Variants in EPHA3 observed in about 807,000 individuals in gnomAD.
EPHA3 encodes ephrin type-A receptor 3.
EPHA3 carries 42 observed loss-of-function variants against 107.1 expected under a neutral mutation model. The observed-to-expected ratio is 0.39, with a 90% CI of 0.31 to 0.51. The LOEUF is 0.51. EPHA3 is among the 20% of genes least tolerant of loss of function. The probability of loss-of-function intolerance (pLI) is 0.78; values close to 1 mark genes in which losing one functional copy is unlikely to be tolerated. For missense variants in EPHA3, 1,183 were observed against 1,211.2 expected, an observed-to-expected ratio of 0.98 and a Z score of 0.35; for synonymous variants, 461 against 424.8, an observed-to-expected ratio of 1.09 and a Z score of -1.05.
At chr3:89,145,334 G>A (rs1185057289) in intron 2 of EPHA3, among the ~76,000 whole-genome samples, 1 of 151,190 alleles carries the variant, frequency 6.6e-6, no homozygotes, top group African/African-American at 2.4e-5. Context: ...GATTCTTCAA[G>A]GAAATATACA....
At chr3:89,123,515 T>G (rs369933187) in intron 1 of EPHA3, among the ~76,000 whole-genome samples, 1 of 152,174 alleles carries the variant, frequency 6.6e-6, no homozygotes, top group Admixed American at 6.5e-5. Flanking sequence ...ATTCCTTCTT[T>G]CCAGATCTTA....
chr3:89,151,274 C>T (rs529912289), intron 2 of EPHA3, among the ~76,000 whole-genome samples: 1 of 152,124 alleles, frequency 6.6e-6, no homozygotes, highest in African/African-American at 2.4e-5. Context: ...GAGAATGTTT[C>T]ATATATTTAC....
chr3:89,382,665 G>T (rs1163887886), intron 5 of EPHA3, among the ~76,000 whole-genome samples: 2 of 152,136 alleles, frequency 1.3e-5, no homozygotes, highest in South Asian at 2.1e-4. Context: ...CAGAGTCGGG[G>T]TTGGTTTGCT....
chr3:89,188,060 T>G (rs193105015), intron 2 of EPHA3, among the ~76,000 whole-genome samples: 1 of 152,300 alleles, frequency 6.6e-6, no homozygotes, highest in East Asian at 1.9e-4. Context: ...TCCAATAATA[T>G]AAAAGAAAAC....
At chr3:89,202,359 A>C (rs1705987811) in intron 2 of EPHA3, among the ~76,000 whole-genome samples, 2 of 151,126 alleles carry the variant, frequency 1.3e-5, no homozygotes, top group East Asian at 2.0e-4. Flanking sequence ...TAAATAAATA[A>C]ATAAAAAGTA....
chr3:89,243,760 C>A (rs1704967215), intron 3 of EPHA3, among the ~76,000 whole-genome samples: 3 of 151,884 alleles, frequency 2.0e-5, no homozygotes, highest in African/African-American at 7.3e-5. Flanking sequence ...AGCTCTTTAG[C>A]CTAGTATTTT....
intron 9 of EPHA3, among the ~76,000 whole-genome samples, chr3:89,409,465 AC>A (rs1709116292): frequency 6.6e-6 from 1 of 151,964 alleles, no homozygotes; most frequent in South Asian, 2.1e-4. Context: ...TGGGAAGCCT[AC>A]ATCTTACGAA....
intron 2 of EPHA3, among the ~76,000 whole-genome samples, chr3:89,169,854 A>C (rs1447878835): frequency 6.6e-6 from 1 of 152,232 alleles, no homozygotes; most frequent in African/African-American, 2.4e-5. Flanking sequence ...AAATTGCAGC[A>C]TTCAATCTAC....
intron 2 of EPHA3, among the ~76,000 whole-genome samples, chr3:89,208,510 G>A (rs1706182147): frequency 7.1e-6 from 1 of 140,674 alleles, no homozygotes; most frequent in Non-Finnish European, 1.5e-5. Context: ...AGGGAGGGAA[G>A]AAAGGAAGGA....
intron 3 of EPHA3, among the ~76,000 whole-genome samples, chr3:89,269,437 T>A (rs1351591440): frequency 5.9e-5 from 9 of 151,928 alleles, no homozygotes; most frequent in Non-Finnish European, 1.3e-4. Context: ...TAGTTTTTTT[T>A]ATAATTTATT....
chr3:89,477,966 G>C (rs976938529), intron 16 of EPHA3, among the ~76,000 whole-genome samples: 8 of 151,998 alleles, frequency 5.3e-5, no homozygotes, highest in Non-Finnish European at 1.2e-4. Flanking sequence ...AACAAGAAAA[G>C]AAAACAGAAA....
At chr3:89,273,626 CTA>C (rs1705733715) in intron 3 of EPHA3, among the ~76,000 whole-genome samples, 2 of 151,940 alleles carry the variant, frequency 1.3e-5, no homozygotes, top group South Asian at 4.1e-4. Context: ...GTTGCTGTGA[CTA>C]TTGAATTGCT....
At chr3:89,142,874 A>G (rs1181383402) in intron 2 of EPHA3, among the ~76,000 whole-genome samples, 2 of 151,380 alleles carry the variant, frequency 1.3e-5, no homozygotes, top group Non-Finnish European at 3.0e-5. Flanking sequence ...AAAAAAGAGC[A>G]TGGATCCGGC....
chr3:89,268,504 C>A (rs1167985369), intron 3 of EPHA3, among the ~76,000 whole-genome samples: 1 of 151,782 alleles, frequency 6.6e-6, no homozygotes, highest in Non-Finnish European at 1.5e-5. Context: ...TTTCTTATTT[C>A]TTGATATGTG....
rs2107508037 is a variant in EPHA3 at position 89,399,340 on chromosome 3, C to A, written c.1454C>A (p.Thr485Asn). Residue 485 changes from threonine to asparagine, a missense_variant, in exon 7 of 17, where the codon ACC becomes AAC. Transcript: ENST00000336596. ...YEKQEQETSY[T>N]ILRARGTNVT... The stretch of plus-strand genomic sequence containing the variant: ...AAGCAGGAACAAGAAACAAGTTATA[C>A]CATTCTGAGGGCAAGAGGCACAAAT... The A allele has an allele frequency of 6.2e-7, 1 of 1,610,974 alleles. No homozygotes were observed. The highest frequency in any genetic ancestry group is 8.5e-7 in the Non-Finnish European group (1 of 1,177,938).
intron 5 of EPHA3, among the ~76,000 whole-genome samples, chr3:89,383,839 G>A (rs1245257388): frequency 1.3e-5 from 2 of 151,510 alleles, no homozygotes; most frequent in African/African-American, 4.8e-5. Context: ...TAGTAGAGAT[G>A]GGGTTTCACT....
chr3:89,215,816 G>GA (rs1228344351), intron 3 of EPHA3, among the ~76,000 whole-genome samples: 2 of 151,786 alleles, frequency 1.3e-5, no homozygotes, highest in Admixed American at 6.6e-5. Context: ...TGTTCAGAGG[G>GA]AAAAAATCTT....
At chr3:89,467,344 A>T (rs933773573) in intron 15 of EPHA3, among the ~76,000 whole-genome samples, 2 of 152,224 alleles carry the variant, frequency 1.3e-5, no homozygotes, top group Non-Finnish European at 2.9e-5. Flanking sequence ...GAAACTATTC[A>T]CAACAAATAA....
chr3:89,393,069 G>A (rs1473643812), intron 5 of EPHA3, among the ~76,000 whole-genome samples: 1 of 151,996 alleles, frequency 6.6e-6, no homozygotes, highest in East Asian at 1.9e-4. Context: ...AAAGTACCGG[G>A]CTTCCAGCTG....
Sources: gnomAD v4.1 joint callset for allele counts (sites outside exome capture counted in the v4.1 genomes callset) on GRCh38, gnomAD v4.1.1 for gene constraint, MANE v1.5 for transcripts, NCBI Gene and HGNC (gene_info 2026-07-23, HGNC 2026-07-21) for gene names.